Variants in HEATR4 observed in about 807,000 individuals in gnomAD.
The protein encoded by HEATR4 is HEAT repeat-containing protein 4.
A neutral mutation model predicts 108.8 loss-of-function variants in HEATR4; 95 were observed. The ratio of observed to expected loss-of-function variants is 0.87; its 90% confidence interval spans 0.74 to 1.04. The LOEUF (loss-of-function observed/expected upper bound fraction) is 1.04. HEATR4 is among the 50% of genes least tolerant of loss of function. The pLI is 0.00. For missense variants in HEATR4, 1,152 were observed against 1,253.8 expected (o/e 0.92, Z 1.23); for synonymous variants, 443 against 459.4 (o/e 0.96, Z 0.46).
rs1204467433 is a variant in HEATR4 at position 73,551,123 on chromosome 14, C to T, written c.-152+7628G>A. On this transcript the variant is annotated intron_variant, in intron 1 of 17. Transcript: ENST00000553558. ...AGGTTACAGTGAGCTGAGATCGTGCCATTGCACTCCAGCCTGAGTGACAGT... is the reference window on the plus strand; with the variant it reads ...AGGTTACAGTGAGCTGAGATCGTGCTATTGCACTCCAGCCTGAGTGACAGT... Among the ~76,000 whole-genome samples, 3 of 109,636 alleles carry T rather than the reference C, an allele frequency of 2.7e-5. 1 individual carries two copies. Among genetic ancestry groups the T allele is most frequent in the Non-Finnish European group, 5.9e-5 (3 of 50,734 alleles). 71.9% of individuals were successfully genotyped at this position (109,636 alleles called of 152,430 possible). A position where few individuals can be genotyped will look rare whatever the true frequency, so the allele number is the denominator to read the frequency against.
intron 5 of HEATR4, among the ~76,000 whole-genome samples, chr14:73,517,924 A>G (rs1325969227): frequency 6.6e-6 from 1 of 151,948 alleles, no homozygotes; most frequent in Admixed American, 6.6e-5. Context: ...CGTCTCTACT[A>G]AAAATACAAA....
At chr14:73,599,215 G>A in the HEATR4 span, among the ~76,000 whole-genome samples, 1 of 151,016 alleles carries the variant, frequency 6.6e-6, no homozygotes, top group African/African-American at 2.4e-5. Flanking sequence ...TCTCGGTGGA[G>A]ACTTCACATA....
chr14:73,567,713 G>A, the HEATR4 span: 1 of 152,014 alleles, frequency 6.6e-6, no homozygotes, highest in African/African-American at 2.4e-5. Context: ...GGTCCATACT[G>A]CATTTCAGAG....
the HEATR4 span, among the ~76,000 whole-genome samples, chr14:73,633,151 C>G: frequency 2.0e-5 from 3 of 151,768 alleles, no homozygotes; most frequent in Non-Finnish European, 4.4e-5. Flanking sequence ...ATTACAGGTG[C>G]CTGCCACCAC....
At chr14:73,502,855 G>T in intron 11 of HEATR4, 40 bp downstream of exon 11, 1 of 1,491,160 alleles carries the variant, frequency 6.7e-7, no homozygotes, top group Non-Finnish European at 9.4e-7. Flanking sequence ...ACACTTCTAA[G>T]AATTTAGAAG....
At chr14:73,484,758 C>T (rs1179650640) in intron 17 of HEATR4, among the ~76,000 whole-genome samples, 1 of 151,856 alleles carries the variant, frequency 6.6e-6, no homozygotes, top group Non-Finnish European at 1.5e-5. Context: ...GAGGGAACTT[C>T]TTTCTGTCTT....
chr14:73,497,943 G>T (rs1428023542), intron 14 of HEATR4, among the ~76,000 whole-genome samples: 1 of 152,118 alleles, frequency 6.6e-6, no homozygotes, highest in Admixed American at 6.5e-5. Context: ...ATCCTGGTGG[G>T]GAGAAAAGAT....
intron 4 of HEATR4, 127 bp from the exon 5 acceptor site, chr14:73,519,290 T>C: frequency 2.4e-6 from 2 of 819,192 alleles, no homozygotes; most frequent in Non-Finnish European, 3.7e-6. Flanking sequence ...GATCCATGAC[T>C]GCCATACTCT....
Position 73,509,860 on chromosome 14 carries a change from A to ATT in HEATR4, c.1559-388_1559-387insAA, listed in dbSNP as rs1566832316. ...TATATATATATATATATATATATATATATATATATTTATTTATTTTATATA... is the reference window on the plus strand; with the variant it reads ...TATATATATATATATATATATATATATTTATATATATTTATTTATTTTATATA... On this transcript the variant is annotated intron_variant, in intron 7 of 17. Coordinates refer to ENST00000553558, the MANE Select transcript of HEATR4 (RefSeq NM_001220484.1). Among the ~76,000 whole-genome samples, 67 of 63,370 alleles carry ATT rather than the reference A, an allele frequency of 1.1e-3. 5 individuals are homozygous for ATT. The highest frequency in any genetic ancestry group is 4.3e-3 in the African/African-American group (64 of 14,996). 41.6% of individuals were successfully genotyped at this position (63,370 alleles called of 152,430 possible).
Position 73,519,076 on chromosome 14 carries a change from TTAGA to T in HEATR4, c.1153_1156del (p.Ser385ArgfsTer55). 6.2e-7 allele frequency: 1 copy of T among 1,614,104 alleles called. No homozygotes were observed. The highest frequency in any genetic ancestry group is 8.5e-7 in the Non-Finnish European group (1 of 1,179,976). The stretch of plus-strand genomic sequence containing the variant: ...CTTTTCTGGAGTTTCAGGGAAGACC[TTAGA>T]TAGCTGCTTGTTGTACCGATTTAGG... On this transcript the variant is annotated frameshift_variant, in exon 5 of 18. Coordinates refer to ENST00000553558, the MANE Select transcript of HEATR4 (RefSeq NM_001220484.1). LOFTEE classifies it high-confidence loss of function.
rs772785283 is a variant in HEATR4 at position 73,498,345 on chromosome 14, CT to C, written c.2357-2del. The C allele has an allele frequency of 6.3e-7, 1 of 1,591,402 alleles. No homozygotes were observed. The highest frequency in any genetic ancestry group is 2.3e-5 in the East Asian group (1 of 44,216). On this transcript the variant is annotated splice_acceptor_variant, in intron 13 of 17. Transcript: ENST00000553558. LOFTEE classifies it high-confidence loss of function. ...CTTACTTGCCCAATCTGTCCCAAAGCTGCAGAGATTAGAGGGCAGCATGTCA... is the reference window on the plus strand; with the variant it reads ...CTTACTTGCCCAATCTGTCCCAAAGCGCAGAGATTAGAGGGCAGCATGTCA...
At chr14:73,586,139 A>G in the HEATR4 span, among the ~76,000 whole-genome samples, 4 of 152,110 alleles carry the variant, frequency 2.6e-5, no homozygotes, top group Non-Finnish European at 5.9e-5. Flanking sequence ...CAGGCCTGTA[A>G]TCCCAGCACT....
intron 1 of HEATR4, among the ~76,000 whole-genome samples, chr14:73,547,407 C>T (rs1260942794): frequency 8.7e-6 from 1 of 114,756 alleles, no homozygotes; most frequent in African/African-American, 2.8e-5. Flanking sequence ...TGGGGTCTCC[C>T]TATGTTGCCC....
rs1354182015 is a variant in HEATR4, at chr14:73,497,931, C to T, written c.2546+224G>A. 2.6e-5 allele frequency among the ~76,000 whole-genome samples: 4 copies of T among 152,070 alleles called. No homozygotes were observed. The South Asian group carries it at 8.3e-4, about 31-fold the overall frequency. ...GTGAGTCATCACACCCGGCCAAAAC[C>T]CATCCTGGTGGGGAGAAAAGATGCA... On this transcript the variant is annotated intron_variant, in intron 14 of 17. Transcript: ENST00000553558.
chr14:73,579,568 C>T, the HEATR4 span, among the ~76,000 whole-genome samples: 4 of 121,398 alleles, frequency 3.3e-5, no homozygotes, highest in Admixed American at 8.9e-5. Context: ...GGGCAAAAGC[C>T]GTCTCAAAAA....
chr14:73,569,395 A>C, the HEATR4 span: 1 of 1,613,956 alleles, frequency 6.2e-7, no homozygotes, highest in South Asian at 1.1e-5. Flanking sequence ...CAGCTGAGGC[A>C]GGTTGGTCAG....
the HEATR4 span, among the ~76,000 whole-genome samples, chr14:73,621,111 G>A: frequency 5.9e-5 from 9 of 152,130 alleles, no homozygotes; most frequent in African/African-American, 1.4e-4. Context: ...TACTTGGGAG[G>A]CTGAGGCAGG....
chr14:73,563,453 G>A (rs981484100), upstream of HEATR4, among the ~76,000 whole-genome samples: 8 of 151,838 alleles, frequency 5.3e-5, 1 homozygote, highest in Non-Finnish European at 1.2e-4. Context: ...AAATTAGCTG[G>A]GTGTGGTGGT....
chr14:73,579,998 T>C, the HEATR4 span, among the ~76,000 whole-genome samples: 1 of 152,112 alleles, frequency 6.6e-6, no homozygotes, highest in Non-Finnish European at 1.5e-5. Context: ...CTTGGGAGGC[T>C]GAGGTGGGTG....
Sources: gnomAD v4.1 joint callset for allele counts (sites outside exome capture counted in the v4.1 genomes callset) on GRCh38, gnomAD v4.1.1 for gene constraint, MANE v1.5 for transcripts, NCBI Gene and HGNC (gene_info 2026-07-23, HGNC 2026-07-21) for gene names.